ATP6V0D2: variants seen among roughly 807,000 people sequenced by gnomAD.
ATP6V0D2 encodes ATPase H+ transporting V0 subunit d2, also known as V-type proton ATPase subunit d 2.
In ATP6V0D2, 40 loss-of-function variants were observed where a neutral mutation model predicts 40.0. The ratio of observed to expected loss-of-function variants is 1.00; its 90% CI spans 0.78 to 1.30. ATP6V0D2 has a LOEUF of 1.30. Ranked by LOEUF, ATP6V0D2 falls within the 50% of genes most tolerant of loss-of-function variation. The probability of loss-of-function intolerance (pLI) is 0.00; values close to 1 mark genes in which losing one functional copy is unlikely to be tolerated. For missense variants in ATP6V0D2, 470 were observed against 423.1 expected (o/e 1.11, Z -0.97); for synonymous variants, 179 against 156.3 (o/e 1.15, Z -1.08).
At chr8:86,115,760 A>G (rs1019660157) in intron 2 of ATP6V0D2, among the ~76,000 whole-genome samples, 2 of 152,168 alleles carry the variant, frequency 1.3e-5, no homozygotes, top group Non-Finnish European at 2.9e-5. Context: ...ATCCAAATAT[A>G]CTTGCTGAGC....
At position 86,152,809 on chromosome 8, in the gene ATP6V0D2, TCCTCAGG is replaced by T. The variant is rs1274074601; in HGVS notation, c.892-6_892del. On this transcript the variant is annotated splice_acceptor_variant and splice_polypyrimidine_tract_variant and coding_sequence_variant and intron_variant, in exon 8 of 8. Transcript: ENST00000285393. LOFTEE classifies it high-confidence loss of function. ...GATGATCTGTGTTACTTTTTTTCTT[TCCTCAGG>T]TACAAATGAATGTGCTGGCATTCAA... 3.2e-6 allele frequency: 5 copies of T among 1,584,562 alleles called. No individual in the cohort carries two copies. In the Admixed American group the frequency reaches 7.7e-5, roughly 25 times the overall value.
At chr8:86,143,657 C>G (rs148407624) in intron 5 of ATP6V0D2, among the ~76,000 whole-genome samples, 1 of 152,152 alleles carries the variant, frequency 6.6e-6, no homozygotes, top group Non-Finnish European at 1.5e-5. Flanking sequence ...TTTACTGCAA[C>G]CTGTTTTATC....
chr8:86,101,210 G>C (rs952929847), intron 1 of ATP6V0D2, among the ~76,000 whole-genome samples: 1 of 150,930 alleles, frequency 6.6e-6, no homozygotes, highest in Non-Finnish European at 1.5e-5. Context: ...TGTAATCCTA[G>C]CATTTTGAAA....
intron 5 of ATP6V0D2, among the ~76,000 whole-genome samples, chr8:86,147,904 C>A (rs1819092778): frequency 1.3e-5 from 2 of 152,222 alleles, no homozygotes; most frequent in Middle Eastern, 3.4e-3. Flanking sequence ...CCTACTGTAT[C>A]AGCCAAAGCC....
chr8:86,141,307 C>A (rs754551815), intron 3 of ATP6V0D2, 143 bp from the exon 4 acceptor site: 55 of 556,496 alleles, frequency 9.9e-5, no homozygotes, highest in Admixed American at 7.0e-4. Flanking sequence ...TTACTATTAG[C>A]CCTATTTAGT....
intron 2 of ATP6V0D2, among the ~76,000 whole-genome samples, chr8:86,128,981 A>G (rs1818780806): frequency 6.6e-6 from 1 of 152,264 alleles, no homozygotes; most frequent in Non-Finnish European, 1.5e-5. Flanking sequence ...GCTTACCTCA[A>G]CTAAACTTTT....
chr8:86,107,551 G>A (rs1160733524), intron 1 of ATP6V0D2, among the ~76,000 whole-genome samples: 2 of 152,184 alleles, frequency 1.3e-5, no homozygotes, highest in Non-Finnish European at 2.9e-5. Context: ...TTAAAGTTAA[G>A]AGATTATGTA....
intron 1 of ATP6V0D2, among the ~76,000 whole-genome samples, chr8:86,104,141 A>T (rs1472303856): frequency 6.6e-6 from 1 of 152,120 alleles, no homozygotes; most frequent in Non-Finnish European, 1.5e-5. Context: ...TATGTGGCAT[A>T]GTTTGGAATA....
At chr8:86,131,837 T>A (rs1165325137) in intron 2 of ATP6V0D2, among the ~76,000 whole-genome samples, 1 of 152,022 alleles carries the variant, frequency 6.6e-6, no homozygotes, top group African/African-American at 2.4e-5. Flanking sequence ...AAATTGAAAT[T>A]TAAAAAAGAA....
intron 2 of ATP6V0D2, among the ~76,000 whole-genome samples, chr8:86,114,746 T>G (rs1818570598): frequency 6.6e-6 from 1 of 152,200 alleles, no homozygotes; most frequent in African/African-American, 2.4e-5. Context: ...TTAATAAATT[T>G]TACTTAGTGC....
rs562753500 is a variant in ATP6V0D2 at position 86,098,965 on chromosome 8, C to T, written c.-14C>T. 1.9e-6 allele frequency: 3 copies of T among 1,612,502 alleles called. No individual in the cohort carries two copies. In the South Asian group the frequency reaches 3.3e-5, roughly 18 times the overall value. On this transcript the variant is annotated 5_prime_UTR_variant, in exon 1 of 8. Transcript: ENST00000285393. ...GAGCTGTTTCACCCTACCTTGGCTTCAATCTCTTCCCCCATGCTCGAAGGT... is the reference window on the plus strand; with the variant it reads ...GAGCTGTTTCACCCTACCTTGGCTTTAATCTCTTCCCCCATGCTCGAAGGT...
At chr8:86,137,455 A>G (rs1563563576) in intron 2 of ATP6V0D2, among the ~76,000 whole-genome samples, 1 of 152,260 alleles carries the variant, frequency 6.6e-6, no homozygotes, top group South Asian at 2.1e-4. Flanking sequence ...CTACGATGTG[A>G]TCCTACTTAC....
intron 2 of ATP6V0D2, among the ~76,000 whole-genome samples, chr8:86,127,321 T>G (rs571194051): frequency 9.9e-5 from 15 of 152,154 alleles, no homozygotes. Context: ...CATTTGAAAA[T>G]TCATACATTG....
In ATP6V0D2 at chr8:86,098,933, G is replaced by C. The variant is rs377520914; in HGVS notation, c.-46G>C. ...GTGCAAATCTTCAGGGGCCGTCCAG[G>C]ACTACAGAGCTGTTTCACCCTACCT... On this transcript the variant is annotated 5_prime_UTR_variant, in exon 1 of 8. Transcript: ENST00000285393. 2.5e-6 allele frequency: 4 copies of C among 1,598,330 alleles called. No homozygotes were observed. In the African/African-American group the frequency reaches 5.4e-5, roughly 21 times the overall value.
In ATP6V0D2 at chr8:86,150,145, C is replaced by T. The variant is rs1819123479; in HGVS notation, c.673C>T (p.Leu225Phe). 3.1e-6 allele frequency: 5 copies of T among 1,613,682 alleles called. No individual in the cohort carries two copies. The highest frequency in any genetic ancestry group is 8.5e-7 in the Non-Finnish European group (1 of 1,179,870). Residue 225 changes from leucine (L) to phenylalanine (F), a missense_variant, in exon 6 of 8, where the codon CTT becomes TTT. Physicochemically the swap from Leu to Phe is conservative, Grantham distance 22. Transcript: ENST00000285393. ...CGACAGACGTGCTTTTATCATCACT[C>T]TTAACTCCTTTGGCACTGAATTGAG... ...EADRRAFIIT[L>F]NSFGTELSKE...
Position 86,151,462 on chromosome 8 carries a change from T to A in ATP6V0D2, c.817-4T>A, listed in dbSNP as rs1586107274. 6 of 1,578,966 alleles carry A rather than the reference T, an allele frequency of 3.8e-6. No individual in the cohort carries two copies. The East Asian group carries it at 1.4e-4, about 36-fold the overall frequency. On this transcript the variant is annotated splice_polypyrimidine_tract_variant and splice_region_variant and intron_variant, in intron 6 of 7. Transcript: ENST00000285393. Reference sequence around the variant, plus strand: ...TCTTTAAAATTAATGTCTTTGTTTTTAAGGTATACAAACCTTTATTTGAAG... The same window carrying A: ...TCTTTAAAATTAATGTCTTTGTTTTAAAGGTATACAAACCTTTATTTGAAG...
intron 1 of ATP6V0D2, among the ~76,000 whole-genome samples, chr8:86,108,436 C>G (rs540245840): frequency 1.3e-5 from 2 of 152,342 alleles, no homozygotes; most frequent in Admixed American, 1.3e-4. Flanking sequence ...GCCACTGTAC[C>G]AGACAACCTT....
intron 1 of ATP6V0D2, among the ~76,000 whole-genome samples, chr8:86,111,451 A>G (rs1818527205): frequency 1.3e-5 from 2 of 152,118 alleles, no homozygotes; most frequent in African/African-American, 4.8e-5. Flanking sequence ...ATCCTATGGT[A>G]TATTTATACC....
At chr8:86,105,616 CTTTTCTTTTTT>C (rs1818460251) in intron 1 of ATP6V0D2, among the ~76,000 whole-genome samples, 1 of 131,170 alleles carries the variant, frequency 7.6e-6, no homozygotes, top group African/African-American at 2.8e-5. Context: ...CTTCTTTTTT[CTTTTCTTTTTT>C]TTTTTTTTTG....
Sources: allele counts gnomAD v4.1 joint callset (sites outside exome capture counted in the v4.1 genomes callset), GRCh38; gene constraint gnomAD v4.1.1; transcripts MANE v1.5; gene names NCBI Gene and HGNC (gene_info 2026-07-23, HGNC 2026-07-21).